NRXN3: variants seen among roughly 807,000 people sequenced by gnomAD.
NRXN3 encodes neurexin III.
A neutral mutation model predicts 137.6 loss-of-function variants in NRXN3; 32 were observed. The ratio of observed to expected loss-of-function variants is 0.23; its 90% CI spans 0.18 to 0.31. The LOEUF is 0.31. Ranked by LOEUF, NRXN3 falls within the 10% of genes least tolerant of loss-of-function variation. The pLI, the probability that NRXN3 is intolerant of heterozygous loss-of-function variation, is 1.00. For synonymous variants in NRXN3, 798 were observed against 784.5 expected, an observed-to-expected ratio of 1.02 and a Z score of -0.29; for missense variants, 1,574 against 2,062.5, an observed-to-expected ratio of 0.76 and a Z score of 4.59.
intron 16 of NRXN3, among the ~76,000 whole-genome samples, chr14:79,536,717 T>C (rs1298787968): frequency 6.6e-6 from 1 of 152,158 alleles, no homozygotes; most frequent in Non-Finnish European, 1.5e-5. Flanking sequence ...GTGTTTGGTT[T>C]TCTATTCCTG....
intron 15 of NRXN3, among the ~76,000 whole-genome samples, chr14:79,141,608 A>T (rs1300543287): frequency 6.6e-6 from 1 of 152,092 alleles, no homozygotes; most frequent in African/African-American, 2.4e-5. Flanking sequence ...TGAACTAAGA[A>T]CTCCAGTCTT....
chr14:79,654,397 TTTCTGTAAAGGGCCA>T (rs1490695823), intron 16 of NRXN3, among the ~76,000 whole-genome samples: 1 of 152,192 alleles, frequency 6.6e-6, no homozygotes, highest in Non-Finnish European at 1.5e-5. Flanking sequence ...TCAGCAACTT[TTTCTGTAAAGGGCCA>T]GAAAGTAAAT....
At chr14:79,011,018 C>T (rs1210471920) in intron 15 of NRXN3, among the ~76,000 whole-genome samples, 5 of 152,246 alleles carry the variant, frequency 3.3e-5, no homozygotes, top group Admixed American at 2.0e-4. Context: ...CTAGTCATGG[C>T]GATGCTAGTT....
intron 19 of NRXN3, among the ~76,000 whole-genome samples, chr14:79,772,887 G>A (rs1226504710): frequency 3.3e-5 from 5 of 152,082 alleles, no homozygotes; most frequent in Non-Finnish European, 7.3e-5. Flanking sequence ...ATCTGACAAA[G>A]GGCTAATATC....
chr14:78,297,216 G>A (rs970592329), intron 3 of NRXN3, among the ~76,000 whole-genome samples: 1 of 152,180 alleles, frequency 6.6e-6, no homozygotes, highest in African/African-American at 2.4e-5. Flanking sequence ...AGATGACAGT[G>A]ATAGAAACAG....
intron 4 of NRXN3, among the ~76,000 whole-genome samples, chr14:78,539,100 C>A (rs762745880): frequency 6.6e-6 from 1 of 152,126 alleles, no homozygotes; most frequent in African/African-American, 2.4e-5. Context: ...CTCTGCCAGG[C>A]TTTGGTATCA....
At chr14:79,823,689 C>G (rs1206662515) in intron 20 of NRXN3, among the ~76,000 whole-genome samples, 2 of 152,118 alleles carry the variant, frequency 1.3e-5, no homozygotes, top group Non-Finnish European at 2.9e-5. Context: ...ACTAGGAGAC[C>G]AGCAAGGGAA....
intron 15 of NRXN3, among the ~76,000 whole-genome samples, chr14:78,993,834 ATTTTTTTTTTTTTT>A (rs58170856): frequency 4.0e-4 from 27 of 67,004 alleles, no homozygotes; most frequent in South Asian, 1.5e-3. Context: ...GAGCCTTGAA[ATTTTTTTTTTTTTT>A]TTTTTTTTTT....
At position 79,414,175 on chromosome 14, in the gene NRXN3, G is replaced by A. The variant is rs1288768819; in HGVS notation, c.3263-53046G>A. 5.9e-5 allele frequency among the ~76,000 whole-genome samples: 9 copies of A among 152,080 alleles called. No individual in the cohort carries two copies. In the South Asian group the frequency reaches 1.9e-3, roughly 31 times the overall value. On this transcript the variant is annotated intron_variant, in intron 15 of 20. Transcript: ENST00000335750. ...TTCTCTCTTGCATGCTGTCCTTGGA[G>A]ATCAGAGGATTGATGTTTGAGTAAG...
At chr14:78,536,121 C>T (rs540655957) in intron 4 of NRXN3, among the ~76,000 whole-genome samples, 2 of 152,238 alleles carry the variant, frequency 1.3e-5, no homozygotes, top group Admixed American at 6.5e-5. Context: ...AATGCAACTT[C>T]GATCAGGCAT....
At chr14:78,306,161 A>G (rs1176630827) in intron 4 of NRXN3, among the ~76,000 whole-genome samples, 1 of 152,178 alleles carries the variant, frequency 6.6e-6, no homozygotes, top group East Asian at 1.9e-4. Context: ...TTAAATTCCA[A>G]CTGACAATAC....
At chr14:79,677,391 G>A (rs1327947470) in intron 17 of NRXN3, among the ~76,000 whole-genome samples, 3 of 151,908 alleles carry the variant, frequency 2.0e-5, no homozygotes, top group Admixed American at 6.6e-5. Flanking sequence ...AAACTGTTGC[G>A]AGGTGCTGTT....
intron 4 of NRXN3, among the ~76,000 whole-genome samples, chr14:78,471,861 A>G (rs924227245): frequency 6.6e-6 from 1 of 152,206 alleles, no homozygotes; most frequent in Non-Finnish European, 1.5e-5. Context: ...AATACTGAAC[A>G]GGATTTTGGT....
At chr14:78,497,561 T>C (rs1293530503) in intron 4 of NRXN3, among the ~76,000 whole-genome samples, 1 of 151,902 alleles carries the variant, frequency 6.6e-6, no homozygotes, top group Non-Finnish European at 1.5e-5. Flanking sequence ...GTGTAGTAAA[T>C]CCATTAATCT....
At chr14:79,326,442 T>G (rs2090886921) in intron 15 of NRXN3, among the ~76,000 whole-genome samples, 1 of 152,206 alleles carries the variant, frequency 6.6e-6, no homozygotes. Flanking sequence ...ATTGGTGACT[T>G]GCACAGGTCT....
chr14:79,046,878 C>T (rs2099633904), intron 15 of NRXN3, among the ~76,000 whole-genome samples: 5 of 152,302 alleles, frequency 3.3e-5, no homozygotes, highest in Middle Eastern at 3.4e-3. Context: ...AAGCAACATA[C>T]AGTAGCGATT....
intron 8 of NRXN3, among the ~76,000 whole-genome samples, chr14:78,767,561 T>C (rs1217876996): frequency 6.6e-6 from 1 of 152,162 alleles, no homozygotes; most frequent in Non-Finnish European, 1.5e-5. Context: ...CTCTTGTCTG[T>C]GTGGGTTACT....
chr14:78,690,295 G>A (rs1042105622), intron 6 of NRXN3, among the ~76,000 whole-genome samples: 1 of 152,214 alleles, frequency 6.6e-6, no homozygotes, highest in African/African-American at 2.4e-5. Flanking sequence ...GTGTGAGGAA[G>A]TAGATTGAAG....
intron 11 of NRXN3, among the ~76,000 whole-genome samples, chr14:78,960,447 G>C (rs530692324): frequency 2.6e-5 from 4 of 152,214 alleles, no homozygotes; most frequent in African/African-American, 9.6e-5. Context: ...TCCAATTTCA[G>C]CTAGTTTATA....
Sources: allele counts gnomAD v4.1 joint callset (sites outside exome capture counted in the v4.1 genomes callset), GRCh38; gene constraint gnomAD v4.1.1; transcripts MANE v1.5; gene names NCBI Gene and HGNC (gene_info 2026-07-23, HGNC 2026-07-21).